EGFLAM: variants seen among roughly 807,000 people sequenced by gnomAD.
EGFLAM encodes EGF like, fibronectin type III and laminin G domains.
A neutral mutation model predicts 113.1 loss-of-function variants in EGFLAM; 79 were observed. The observed-to-expected ratio is 0.70, with a 90% CI of 0.58 to 0.84. The LOEUF is 0.84. EGFLAM is among the 40% of genes least tolerant of loss of function. EGFLAM has a pLI of 0.00. For synonymous variants in EGFLAM, 504 were observed against 487.6 expected, an observed-to-expected ratio of 1.03 and a Z score of -0.44; for missense variants, 1,265 against 1,291.6, an observed-to-expected ratio of 0.98 and a Z score of 0.32.
intron 1 of EGFLAM, among the ~76,000 whole-genome samples, chr5:38,317,141 ATC>A (rs1250304420): frequency 2.0e-5 from 3 of 152,194 alleles, no homozygotes; most frequent in Non-Finnish European, 4.4e-5. Flanking sequence ...TCAAAAAAAT[ATC>A]TGTTTTCTGT....
chr5:38,336,093 G>T (rs1165000867), intron 1 of EGFLAM, among the ~76,000 whole-genome samples: 1 of 152,100 alleles, frequency 6.6e-6, no homozygotes, highest in Non-Finnish European at 1.5e-5. Flanking sequence ...GCAATAGCGG[G>T]ATGACAAATG....
At chr5:38,271,916 GC>G (rs143074268) in intron 1 of EGFLAM, among the ~76,000 whole-genome samples, 24 of 152,282 alleles carry the variant, frequency 1.6e-4, no homozygotes, top group Non-Finnish European at 3.2e-4. Flanking sequence ...TTCCTTTGGG[GC>G]AAATACATTT....
At chr5:38,283,010 C>T (rs536409643) in intron 1 of EGFLAM, among the ~76,000 whole-genome samples, 33 of 152,244 alleles carry the variant, frequency 2.2e-4, no homozygotes, top group African/African-American at 7.7e-4. Context: ...TGCCACCACA[C>T]CAGGCTAATT....
chr5:38,325,852 A>G (rs558080437), intron 1 of EGFLAM, among the ~76,000 whole-genome samples: 4 of 152,256 alleles, frequency 2.6e-5, no homozygotes, highest in Non-Finnish European at 4.4e-5. Context: ...GAGATTCAGT[A>G]TGAAATTTTA....
chr5:38,311,928 A>G (rs1284989635), intron 1 of EGFLAM, among the ~76,000 whole-genome samples: 1 of 152,164 alleles, frequency 6.6e-6, no homozygotes, highest in African/African-American at 2.4e-5. Context: ...ACTTATATAT[A>G]TATTGTTTAT....
At chr5:38,399,391 T>C (rs965137067) in intron 6 of EGFLAM, among the ~76,000 whole-genome samples, 1 of 146,446 alleles carries the variant, frequency 6.8e-6, no homozygotes, top group Non-Finnish European at 1.5e-5. Context: ...GATCCTGCCA[T>C]CTCAGCCTCC....
At chr5:38,382,728 G>A (rs975294430) in intron 6 of EGFLAM, among the ~76,000 whole-genome samples, 2 of 152,206 alleles carry the variant, frequency 1.3e-5, no homozygotes, top group Non-Finnish European at 2.9e-5. Context: ...GTCAGCTGCT[G>A]TAAGGATCTA....
At chr5:38,406,295 C>A in intron 7 of EGFLAM, 54 bp downstream of exon 7, 1 of 1,518,884 alleles carries the variant, frequency 6.6e-7, no homozygotes, top group Admixed American at 1.8e-5. Context: ...TCTTGCCGAA[C>A]AAGACAATTT....
chr5:38,414,158 A>G (rs960046817), intron 11 of EGFLAM, among the ~76,000 whole-genome samples: 3 of 149,514 alleles, frequency 2.0e-5, no homozygotes, highest in Admixed American at 1.3e-4. Flanking sequence ...ATATCTCATT[A>G]GTTTGGATCC....
intron 1 of EGFLAM, among the ~76,000 whole-genome samples, chr5:38,271,337 T>G (rs1757760468): frequency 6.6e-6 from 1 of 152,112 alleles, no homozygotes; most frequent in South Asian, 2.1e-4. Context: ...CCGCCTTCAT[T>G]TTGCTTCAAC....
rs1311709112 is a variant in EGFLAM at position 38,395,734 on chromosome 5, C to T, written c.713-10392C>T. On this transcript the variant is annotated intron_variant, in intron 6 of 21. Transcript: ENST00000322350. ...TCCCCACTGGACTGTGAGCCACCGA[C>T]AAGCTACATCTGCTCTCTTTGCCAT... Among the ~76,000 whole-genome samples, 3 of 152,168 alleles carry T rather than the reference C, an allele frequency of 2.0e-5. No homozygotes were observed. In the East Asian group the frequency reaches 5.8e-4, roughly 29 times the overall value.
intron 17 of EGFLAM, among the ~76,000 whole-genome samples, chr5:38,442,293 A>C (rs1742569264): frequency 1.3e-5 from 2 of 148,508 alleles, no homozygotes; most frequent in Non-Finnish European, 3.0e-5. Context: ...TATTATATTA[A>C]AAATTAATAT....
At chr5:38,355,075 G>C (rs1437294885) in intron 5 of EGFLAM, among the ~76,000 whole-genome samples, 1 of 152,082 alleles carries the variant, frequency 6.6e-6, no homozygotes, top group Non-Finnish European at 1.5e-5. Context: ...TAAGGACTTG[G>C]GTGCAAATAG....
chr5:38,437,983 G>A (rs544674074), intron 16 of EGFLAM, among the ~76,000 whole-genome samples: 136 of 151,974 alleles, frequency 8.9e-4, no homozygotes, highest in African/African-American at 3.0e-3. Flanking sequence ...TTAGCCGGGC[G>A]TAGTGGCGGG....
At chr5:38,433,678 T>C (rs763678670) in intron 15 of EGFLAM, among the ~76,000 whole-genome samples, 6 of 152,224 alleles carry the variant, frequency 3.9e-5, no homozygotes, top group Non-Finnish European at 8.8e-5. Flanking sequence ...TCCTTGACCC[T>C]GCATCCTTCC....
At position 38,308,636 on chromosome 5, in the gene EGFLAM, C is replaced by G. The variant is rs189003461; in HGVS notation, c.98-28884C>G. On this transcript the variant is annotated intron_variant, in intron 1 of 21. Coordinates refer to ENST00000322350, the MANE Select transcript of EGFLAM (RefSeq NM_152403.4). Reference sequence around the variant, plus strand: ...TTAAAAGTAAATTATGTTAAGAACTCAGAACTAGAATAGATGCTCAAAAAA... The same window carrying G: ...TTAAAAGTAAATTATGTTAAGAACTGAGAACTAGAATAGATGCTCAAAAAA... Among the ~76,000 whole-genome samples, 3 of 152,100 alleles carry G rather than the reference C, an allele frequency of 2.0e-5. No individual in the cohort carries two copies. In the East Asian group the frequency reaches 5.8e-4, roughly 29 times the overall value.
At chr5:38,386,648 A>C (rs998934214) in intron 6 of EGFLAM, among the ~76,000 whole-genome samples, 3 of 152,196 alleles carry the variant, frequency 2.0e-5, no homozygotes, top group Admixed American at 2.0e-4. Context: ...CTGGGACTAC[A>C]GGCATGTACC....
chr5:38,381,923 G>T (rs1740521139), intron 6 of EGFLAM, among the ~76,000 whole-genome samples: 1 of 152,194 alleles, frequency 6.6e-6, no homozygotes, highest in African/African-American at 2.4e-5. Context: ...TTTGTCTAAA[G>T]ATTCGATTCC....
In EGFLAM at chr5:38,435,081, C is replaced by T. The variant is rs572368143; in HGVS notation, c.2167-56C>T. 4 of 1,465,084 alleles carry T rather than the reference C, an allele frequency of 2.7e-6. No homozygotes were observed. In the African/African-American group the frequency reaches 5.6e-5, roughly 20 times the overall value. 90.8% of individuals were successfully genotyped at this position (1,465,084 alleles called of 1,614,324 possible). ...ACAGGGAACTGAAGACACATTTGATCATTTTGAACATCTGTTTTAAAGTCA... is the reference window on the plus strand; with the variant it reads ...ACAGGGAACTGAAGACACATTTGATTATTTTGAACATCTGTTTTAAAGTCA... On this transcript the variant is annotated intron_variant, in intron 15 of 21. Coordinates refer to ENST00000322350, the MANE Select transcript of EGFLAM (RefSeq NM_152403.4).
Sources: allele counts gnomAD v4.1 joint callset (sites outside exome capture counted in the v4.1 genomes callset), GRCh38; gene constraint gnomAD v4.1.1; transcripts MANE v1.5; gene names NCBI Gene and HGNC (gene_info 2026-07-23, HGNC 2026-07-21).